The following OPN4 variants were observed in gnomAD, a reference collection of about 807,000 sequenced individuals.
OPN4 encodes melanopsin.
In OPN4, 43 loss-of-function variants were observed where a neutral mutation model predicts 49.5. That is an observed-to-expected ratio of 0.87 (90% CI 0.68 to 1.12). The LOEUF is 1.12. Ranked by LOEUF, OPN4 falls within the 50% of genes most tolerant of loss-of-function variation. The pLI, the probability that OPN4 is intolerant of heterozygous loss-of-function variation, is 0.00. For synonymous variants in OPN4, 263 were observed against 258.0 expected (o/e 1.02, Z -0.19); for missense variants, 657 against 643.9 (o/e 1.02, Z -0.22).
In OPN4 at chr10:86,660,049, G is replaced by T. The variant is rs1475289745; in HGVS notation, c.955G>T (p.Ala319Ser). ...TCCCTATTCCGCTGTGGCCCTGGTG[G>T]CCTTTGCTGGGTAAGCAGTGGCTAA... ...WAPYSAVALVAFAGYAHVLTP... is the reference protein window; with the variant it reads ...WAPYSAVALVSFAGYAHVLTP... Residue 319 changes from alanine (A) to serine (S), a missense_variant, in exon 6 of 10, where the codon GCC becomes TCC. Ala to Ser is a moderately conservative substitution (Grantham distance 99). Transcript: ENST00000241891. The T allele has an allele frequency of 6.2e-7, 1 of 1,614,070 alleles. No individual in the cohort carries two copies. The highest frequency in any genetic ancestry group is 8.5e-7 in the Non-Finnish European group (1 of 1,180,016).
Position 86,659,900 on chromosome 10 carries a change from T to A in OPN4, c.806T>A (p.Leu269His). Residue 269 changes from leucine (L) to histidine (H), a missense_variant, in exon 6 of 10, where the codon CTC becomes CAC. Transcript: ENST00000241891. ...GGACGATGCGTCCTTCCTAGGGCTC[T>A]CCAGACCTTCGGGGCCTGCAAGGGC... ...FRAIRETGRA[L>H]QTFGACKGNG... The A allele has an allele frequency of 6.2e-7, 1 of 1,614,152 alleles. No homozygotes were observed. The highest frequency in any genetic ancestry group is 1.3e-5 in the African/African-American group (1 of 75,064).
intron 7 of OPN4, 125 bp from the exon 8 acceptor site, chr10:86,662,127 C>A: frequency 2.6e-6 from 2 of 759,346 alleles, no homozygotes; most frequent in Non-Finnish European, 4.2e-6. Flanking sequence ...AGGGTCTGAG[C>A]CTCCCCATTT....
chr10:86,658,401 C>T, intron 3 of OPN4, 83 bp from the exon 4 acceptor site: 2 of 1,471,456 alleles, frequency 1.4e-6, no homozygotes, highest in Non-Finnish European at 1.9e-6. Flanking sequence ...TCCTGCTCTT[C>T]CTGTGAGGTG....
Position 86,666,346 on chromosome 10 carries a change from G to A in OPN4, c.*595G>A, listed in dbSNP as rs907290223. ...ATCTGAATGCACACCAAGCACATGC[G>A]TGCACACTCTGCGTCTGTGATTCAT... On this transcript the variant is annotated 3_prime_UTR_variant, in exon 10 of 10. Transcript: ENST00000241891. The A allele has an allele frequency of 3.5e-5, 7 of 200,722 alleles. No homozygotes were observed. The highest frequency in any genetic ancestry group is 6.2e-5 in the Non-Finnish European group (6 of 97,412). The allele number at this position is 200,722 out of a possible 1,614,324, so 12.4% of individuals were successfully genotyped here.
chr10:86,664,601 C>A (rs941777828), intron 9 of OPN4, among the ~76,000 whole-genome samples: 1 of 152,206 alleles, frequency 6.6e-6, no homozygotes, highest in African/African-American at 2.4e-5. Flanking sequence ...AGCTCCTGGG[C>A]TCTCTCCAGC....
In OPN4 at chr10:86,659,469, G is replaced by A. The variant is rs915086621; in HGVS notation, c.800+1G>A. ...TCAGGGCCATCCGGGAGACAGGACGGTAAGAGCCGAGCATGGAGGGGGGCT... is the reference window on the plus strand; with the variant it reads ...TCAGGGCCATCCGGGAGACAGGACGATAAGAGCCGAGCATGGAGGGGGGCT... On this transcript the variant is annotated splice_donor_variant, in intron 5 of 9. Coordinates refer to ENST00000241891, the MANE Select transcript of OPN4 (RefSeq NM_033282.4). LOFTEE classifies it high-confidence loss of function. 11 of 1,613,478 alleles carry A rather than the reference G, an allele frequency of 6.8e-6. No homozygotes were observed. The highest frequency in any genetic ancestry group is 9.3e-6 in the Non-Finnish European group (11 of 1,179,868).
At chr10:86,665,617 C>A in intron 9 of OPN4, 96 bp from the exon 10 acceptor site, 1 of 1,017,436 alleles carries the variant, frequency 9.8e-7, no homozygotes, top group Non-Finnish European at 1.5e-6. Context: ...TGCAACCTCC[C>A]CCACTGCTCG....
In OPN4 at chr10:86,661,284, C is replaced by T. The variant is rs7478092; in HGVS notation, c.969C>T (p.Tyr323=). Residue 323 remains tyrosine, a synonymous_variant, in exon 7 of 10, where the codon TAC becomes TAT. Transcript: ENST00000241891. ...SAVALVAFAG[Y]AHVLTPYMSS... is the part of the protein sequence containing the mutation. ...GACCACACCTTCTCTGTCCTAGGTA[C>T]GCACACGTCCTGACACCCTACATGA... is the stretch of plus-strand genomic sequence containing the variant. 0.028 allele frequency: 45,899 copies of T among 1,612,902 alleles called. 1,511 individuals carry two copies. Among genetic ancestry groups the T allele is most frequent in the African/African-American group, 0.16 (11,852 of 74,876 alleles).
intron 2 of OPN4, among the ~76,000 whole-genome samples, chr10:86,656,773 C>T (rs1397450599): frequency 4.6e-5 from 7 of 151,970 alleles, no homozygotes; most frequent in African/African-American, 1.2e-4. Flanking sequence ...GTGAAACCCC[C>T]GTCTCTACTA....
rs374807121 is a variant in OPN4, at chr10:86,654,943, C to G, written c.144+16C>G. ...CAGTCCCACAGTAAGCCTGGGCGAG[C>G]ATGTGCATGCACAGAGCCTTCCCTG... On this transcript the variant is annotated intron_variant, in intron 1 of 9. Transcript: ENST00000241891. The G allele has an allele frequency of 6.2e-7, 1 of 1,612,346 alleles. No homozygotes were observed. Among genetic ancestry groups the G allele is most frequent in the African/African-American group, 1.3e-5 (1 of 75,058 alleles).
At chr10:86,661,063 G>A (rs1399004245) in intron 6 of OPN4, among the ~76,000 whole-genome samples, 2 of 151,972 alleles carry the variant, frequency 1.3e-5, no homozygotes, top group Non-Finnish European at 2.9e-5. Context: ...GGAAGCAGAG[G>A]TTGCAGTGAG....
At chr10:86,657,245 C>T (rs750838856) in intron 2 of OPN4, 10 of 779,890 alleles carry the variant, frequency 1.3e-5, no homozygotes, top group African/African-American at 5.1e-5. Context: ...CACGGATGTG[C>T]GTTGCCCCAC....
chr10:86,662,240 C>T lies in OPN4; in HGVS notation c.1074-12C>T, dbSNP rs2675698. 0.12 allele frequency: 191,252 copies of T among 1,603,564 alleles called. 12,874 individuals carry two copies. The highest frequency in any genetic ancestry group is 0.14 in the Middle Eastern group (649 of 4,630). ...CATCCCCTGGCCCTAATCAGATGTG[C>T]GGCCCCTGCAGGGTGGCCATTGCCC... On this transcript the variant is annotated splice_polypyrimidine_tract_variant and intron_variant, in intron 7 of 9. Coordinates refer to ENST00000241891, the MANE Select transcript of OPN4 (RefSeq NM_033282.4).
At position 86,659,280 on chromosome 10, in the gene OPN4, C is replaced by T. The variant is rs372899988; in HGVS notation, c.629-17C>T. The T allele has an allele frequency of 4.4e-4, 708 of 1,604,980 alleles. 1 individual carries two copies. In the Middle Eastern group the frequency reaches 4.6e-3, roughly 11 times the overall value. On this transcript the variant is annotated splice_polypyrimidine_tract_variant and intron_variant, in intron 4 of 9. Coordinates refer to ENST00000241891, the MANE Select transcript of OPN4 (RefSeq NM_033282.4). The stretch of plus-strand genomic sequence containing the variant: ...TCAGTGCCGCCCCAAAGGCTGAGCA[C>T]CTGCCCTGGCTCCCAGGCGCCTACG...
Position 86,654,614 on chromosome 10 carries a change from A to G in OPN4, c.-170A>G. 1 of 875,662 alleles carries G rather than the reference A, an allele frequency of 1.1e-6. No individual in the cohort carries two copies. Among genetic ancestry groups the G allele is most frequent in the East Asian group, 2.6e-5 (1 of 38,622 alleles). 54.2% of individuals were successfully genotyped at this position (875,662 alleles called of 1,614,324 possible). A position where few individuals can be genotyped will look rare whatever the true frequency, so the allele number is the denominator to read the frequency against. ...CAGACACAGAGCAACCGCCAGCCCCAAGAGCAGCTCCAGGCTGGATCTGCG... is the reference window on the plus strand; with the variant it reads ...CAGACACAGAGCAACCGCCAGCCCCGAGAGCAGCTCCAGGCTGGATCTGCG... On this transcript the variant is annotated 5_prime_UTR_variant, in exon 1 of 10. Transcript: ENST00000241891.
chr10:86,665,362 G>A (rs1437551022), intron 9 of OPN4, among the ~76,000 whole-genome samples: 1 of 152,146 alleles, frequency 6.6e-6, no homozygotes, highest in African/African-American at 2.4e-5. Flanking sequence ...TGCAGGGCAG[G>A]AAAGGGATGA....
chr10:86,654,628 G>T lies in OPN4; in HGVS notation c.-156G>T. On this transcript the variant is annotated 5_prime_UTR_variant, in exon 1 of 10. Coordinates refer to ENST00000241891, the MANE Select transcript of OPN4 (RefSeq NM_033282.4). ...CCGCCAGCCCCAAGAGCAGCTCCAG[G>T]CTGGATCTGCGCCGGACACAGGAGA... 1 of 1,032,078 alleles carries T rather than the reference G, an allele frequency of 9.7e-7. No individual in the cohort carries two copies. Among genetic ancestry groups the T allele is most frequent in the Admixed American group, 2.4e-5 (1 of 40,946 alleles). 63.9% of individuals were successfully genotyped at this position (1,032,078 alleles called of 1,614,324 possible).
chr10:86,658,253 AT>A, intron 3 of OPN4, 88 bp downstream of exon 3: 2 of 1,537,284 alleles, frequency 1.3e-6, no homozygotes, highest in Non-Finnish European at 1.8e-6. Flanking sequence ...AAAGGAGGTG[AT>A]TTGCTGCTTC....
chr10:86,657,305 G>A (rs1843892187), intron 2 of OPN4: 1 of 756,478 alleles, frequency 1.3e-6, no homozygotes, highest in African/African-American at 1.7e-5. Context: ...CACTTCATGA[G>A]TGGGAGCATC....
Sources: allele counts gnomAD v4.1 joint callset (sites outside exome capture counted in the v4.1 genomes callset), GRCh38; gene constraint gnomAD v4.1.1; transcripts MANE v1.5; gene names NCBI Gene and HGNC (gene_info 2026-07-23, HGNC 2026-07-21).